BBX: variants seen among roughly 807,000 people sequenced by gnomAD.
BBX encodes the protein BBX high mobility group box domain containing.
In BBX, 30 loss-of-function variants were observed where a neutral mutation model predicts 100.2. That is an observed-to-expected ratio of 0.30 (90% CI 0.22 to 0.41). The LOEUF is 0.41. Ranked by LOEUF, BBX falls within the 10% of genes least tolerant of loss-of-function variation. BBX has a pLI of 1.00. For synonymous variants in BBX, 376 were observed against 388.1 expected (o/e 0.97, Z 0.37); for missense variants, 1,023 against 1,129.8 (o/e 0.91, Z 1.35).
chr3:107,632,079 T>A (rs1442682998), intron 2 of BBX, among the ~76,000 whole-genome samples: 1 of 68,024 alleles, frequency 1.5e-5, no homozygotes, highest in African/African-American at 5.0e-5. Context: ...ATGCTTTTTT[T>A]GTTGTTGTTG....
chr3:107,535,593 CTT>C (rs11298693), intron 2 of BBX, among the ~76,000 whole-genome samples: 81 of 132,788 alleles, frequency 6.1e-4, no homozygotes, highest in Admixed American at 1.4e-3. Flanking sequence ...TGCTCTGTTC[CTT>C]TTTTTTTTTT....
chr3:107,583,478 A>AT (rs1243709264), intron 2 of BBX, among the ~76,000 whole-genome samples: 1 of 151,984 alleles, frequency 6.6e-6, no homozygotes, highest in East Asian at 1.9e-4. Context: ...TTTTATTGAT[A>AT]TATCATAGTT....
At chr3:107,726,515 A>C (rs1260819241) in intron 5 of BBX, among the ~76,000 whole-genome samples, 1 of 152,048 alleles carries the variant, frequency 6.6e-6, no homozygotes, top group Non-Finnish European at 1.5e-5. Context: ...GAGTTTAAGA[A>C]TCTGCAAGAA....
intron 2 of BBX, among the ~76,000 whole-genome samples, chr3:107,563,378 C>G (rs934078268): frequency 3.9e-5 from 6 of 152,176 alleles, no homozygotes; most frequent in African/African-American, 7.2e-5. Context: ...GTACAAATAT[C>G]TCTATACAAA....
intron 5 of BBX, among the ~76,000 whole-genome samples, chr3:107,719,512 A>G (rs1455457000): frequency 6.6e-6 from 1 of 152,054 alleles, no homozygotes; most frequent in African/African-American, 2.4e-5. Flanking sequence ...CTGGTAAGAC[A>G]AAGCACCTGT....
chr3:107,675,535 T>C (rs551752433), intron 3 of BBX, among the ~76,000 whole-genome samples: 23 of 152,228 alleles, frequency 1.5e-4, no homozygotes, highest in Admixed American at 2.6e-4. Flanking sequence ...GCCCCTCTCT[T>C]CTCATGATCA....
At chr3:107,579,356 A>G (rs2052079697) in intron 2 of BBX, among the ~76,000 whole-genome samples, 2 of 152,160 alleles carry the variant, frequency 1.3e-5, no homozygotes, top group African/African-American at 4.8e-5. Context: ...AGCCTCCTTT[A>G]GTAACTTGTC....
chr3:107,710,708 A>G (rs963247171), intron 4 of BBX, 86 bp downstream of exon 4: 12 of 1,294,712 alleles, frequency 9.3e-6, no homozygotes, highest in Middle Eastern at 4.2e-4. Context: ...ATGATATTAC[A>G]AAAGTGTTTC....
intron 2 of BBX, among the ~76,000 whole-genome samples, chr3:107,625,773 C>T (rs2056124612): frequency 6.6e-6 from 1 of 152,028 alleles, no homozygotes; most frequent in African/African-American, 2.4e-5. Flanking sequence ...ATCTAGGTCC[C>T]CTGTAGCTCT....
intron 3 of BBX, among the ~76,000 whole-genome samples, chr3:107,671,981 A>T (rs1043704309): frequency 2.0e-5 from 3 of 152,066 alleles, no homozygotes; most frequent in Non-Finnish European, 2.9e-5. Context: ...GAAAAGTCCT[A>T]AACACCAAAT....
chr3:107,690,541 A>C (rs17811616), intron 3 of BBX, among the ~76,000 whole-genome samples: 39,373 of 152,112 alleles, frequency 0.26, 7,205 homozygotes, highest in East Asian at 0.92. Flanking sequence ...ATGGTTACCT[A>C]TCCCTAAAAT....
rs1438504369 is a variant in BBX at position 107,791,227 on chromosome 3, T to C, written c.2294-13T>C. The C allele has an allele frequency of 3.1e-6, 5 of 1,610,682 alleles. No individual in the cohort carries two copies. The highest frequency in any genetic ancestry group is 4.2e-6 in the Non-Finnish European group (5 of 1,177,596). On this transcript the variant is annotated splice_polypyrimidine_tract_variant and intron_variant, in intron 14 of 17. Coordinates refer to ENST00000325805, the MANE Select transcript of BBX (RefSeq NM_001142568.3). Reference sequence around the variant, plus strand: ...AGTTTCACTTTTCTTTCCTTTTCTGTCATTGTTTTTAGGAAGTGGGGATAA... The same window carrying C: ...AGTTTCACTTTTCTTTCCTTTTCTGCCATTGTTTTTAGGAAGTGGGGATAA...
intron 2 of BBX, among the ~76,000 whole-genome samples, chr3:107,610,442 G>A (rs2054759227): frequency 6.6e-6 from 1 of 152,034 alleles, no homozygotes; most frequent in African/African-American, 2.4e-5. Context: ...AAAGTGGGGT[G>A]TTGAAGTCTG....
Position 107,710,434 on chromosome 3 carries a change from T to A in BBX, c.-9-18T>A. ...CTCTCCCTGTTTCCCTGTTTCTCTC[T>A]CTCTCTTCCTATTACAGGTCACAGT... is the stretch of plus-strand genomic sequence containing the variant. On this transcript the variant is annotated intron_variant, in intron 3 of 17. Transcript: ENST00000325805. The A allele has an allele frequency of 6.4e-7, 1 of 1,568,876 alleles. No individual in the cohort carries two copies. Among genetic ancestry groups the A allele is most frequent in the Non-Finnish European group, 8.7e-7 (1 of 1,154,642 alleles).
intron 2 of BBX, among the ~76,000 whole-genome samples, chr3:107,597,677 A>T (rs1479126234): frequency 6.6e-6 from 1 of 152,182 alleles, no homozygotes; most frequent in African/African-American, 2.4e-5. Flanking sequence ...TTGATGATTT[A>T]ATGATTTATC....
intron 2 of BBX, among the ~76,000 whole-genome samples, chr3:107,531,653 C>CTGGA (rs1252968040): frequency 6.6e-6 from 1 of 151,642 alleles, no homozygotes; most frequent in Non-Finnish European, 1.5e-5. Context: ...ACATGAGGTG[C>CTGGA]TGGACAAGTA....
intron 2 of BBX, among the ~76,000 whole-genome samples, chr3:107,536,493 C>T (rs574405072): frequency 1.7e-4 from 26 of 152,106 alleles, no homozygotes; most frequent in African/African-American, 4.1e-4. Flanking sequence ...TTGTTTTAGC[C>T]GAACAATGGT....
chr3:107,710,337 A>C, intron 3 of BBX, 115 bp from the exon 4 acceptor site: 1 of 785,806 alleles, frequency 1.3e-6, no homozygotes, highest in Non-Finnish European at 2.0e-6. Flanking sequence ...TTATAATCTA[A>C]TTAATCCTAA....
Position 107,801,272 on chromosome 3 carries a change from A to T in BBX, c.2729A>T (p.Asn910Ile). ...AALAEVAAMENVHRGQRSTPL... is the reference protein window; with the variant it reads ...AALAEVAAMEIVHRGQRSTPL... ...CTGGCTGAAGTGGCAGCCATGGAAA[A>T]TGTGCACAGGTTAGTGGTAGAAGGT... Residue 910 changes from asparagine (N) to isoleucine (I), a missense_variant, in exon 17 of 18, where the codon AAT becomes ATT. By Grantham distance (149) the Asn-to-Ile change is moderately radical. Transcript: ENST00000325805. The T allele has an allele frequency of 6.2e-7, 1 of 1,613,928 alleles. No individual in the cohort carries two copies. Among genetic ancestry groups the T allele is most frequent in the Non-Finnish European group, 8.5e-7 (1 of 1,179,936 alleles).
Sources: allele counts gnomAD v4.1 joint callset (sites outside exome capture counted in the v4.1 genomes callset), GRCh38; gene constraint gnomAD v4.1.1; transcripts MANE v1.5; gene names NCBI Gene and HGNC (gene_info 2026-07-23, HGNC 2026-07-21).